The following HNF4G variants were observed in gnomAD, a reference collection of about 807,000 sequenced individuals.
HNF4G encodes hepatocyte nuclear factor 4-gamma.
Under a neutral mutation model 50.9 loss-of-function variants are expected in HNF4G, and 21 were observed. The ratio of observed to expected loss-of-function variants is 0.41; its 90% CI spans 0.29 to 0.59. HNF4G has a LOEUF of 0.59. Ranked by LOEUF, HNF4G falls within the 20% of genes least tolerant of loss-of-function variation. The pLI, the probability that HNF4G is intolerant of heterozygous loss-of-function variation, is 0.26. For missense variants in HNF4G, 527 were observed against 559.4 expected (o/e 0.94, Z 0.58); for synonymous variants, 198 against 185.6 (o/e 1.07, Z -0.54).
At chr8:75,422,747 A>T (rs960616960) in intron 1 of HNF4G, among the ~76,000 whole-genome samples, 2 of 151,400 alleles carry the variant, frequency 1.3e-5, no homozygotes, top group African/African-American at 4.9e-5. Flanking sequence ...CATTCTCCTG[A>T]CTCAGCCTCC....
intron 2 of HNF4G, among the ~76,000 whole-genome samples, chr8:75,490,981 G>A (rs1030866654): frequency 6.6e-6 from 1 of 152,120 alleles, no homozygotes; most frequent in Non-Finnish European, 1.5e-5. Flanking sequence ...TTATTTCAGT[G>A]CCTCTTATAG....
intron 2 of HNF4G, among the ~76,000 whole-genome samples, chr8:75,490,961 A>G (rs1478231426): frequency 2.0e-5 from 3 of 152,162 alleles, no homozygotes; most frequent in Non-Finnish European, 4.4e-5. Flanking sequence ...TTGGTGATTT[A>G]GGTCCAGAGT....
chr8:75,521,877 C>T (rs573816886), intron 2 of HNF4G, among the ~76,000 whole-genome samples: 1 of 152,166 alleles, frequency 6.6e-6, no homozygotes, highest in East Asian at 1.9e-4. Context: ...CCATTCCCCC[C>T]ACACACAGTC....
intron 1 of HNF4G, among the ~76,000 whole-genome samples, chr8:75,540,630 G>A (rs1366877111): frequency 6.6e-6 from 1 of 151,972 alleles, no homozygotes; most frequent in Admixed American, 6.6e-5. Context: ...TCACCTGACA[G>A]GCTAATGTTT....
At chr8:75,439,566 A>C (rs1337860260) in intron 1 of HNF4G, among the ~76,000 whole-genome samples, 4 of 152,002 alleles carry the variant, frequency 2.6e-5, no homozygotes, top group Non-Finnish European at 4.4e-5. Flanking sequence ...TTTTTCTTAG[A>C]AAGAAGTGTA....
chr8:75,497,307 C>T (rs910649165), intron 2 of HNF4G, among the ~76,000 whole-genome samples: 1 of 151,982 alleles, frequency 6.6e-6, no homozygotes, highest in Non-Finnish European at 1.5e-5. Flanking sequence ...ACATAGAGAC[C>T]AGGAGAGGGC....
chr8:75,558,690 CTAGAGAA>C lies in HNF4G; in HGVS notation c.886+22_886+28del. ...ATCCAGGTTGGTTTTCAAAATTCCA[CTAGAGAA>C]TTAATATAATAAAAATTGAACTACT... On this transcript the variant is annotated intron_variant, in intron 7 of 9. Coordinates refer to ENST00000396423, the MANE Select transcript of HNF4G (RefSeq NM_004133.5). 1 of 1,601,506 alleles carries C rather than the reference CTAGAGAA, an allele frequency of 6.2e-7. No individual in the cohort carries two copies. The highest frequency in any genetic ancestry group is 1.3e-5 in the African/African-American group (1 of 74,454).
upstream of HNF4G, among the ~76,000 whole-genome samples, chr8:75,538,023 G>A (rs1489123725): frequency 6.6e-6 from 1 of 152,132 alleles, no homozygotes; most frequent in South Asian, 2.1e-4. Flanking sequence ...CTTTTGCTAG[G>A]CTGAGGCTGA....
intron 1 of HNF4G, among the ~76,000 whole-genome samples, chr8:75,484,604 TC>T (rs1254365418): frequency 6.6e-6 from 1 of 152,192 alleles, no homozygotes; most frequent in Non-Finnish European, 1.5e-5. Flanking sequence ...CTCACAAAAC[TC>T]TAATTTTCCT....
chr8:75,558,053 C>A (rs1807183383), intron 6 of HNF4G, among the ~76,000 whole-genome samples: 2 of 151,996 alleles, frequency 1.3e-5, no homozygotes, highest in African/African-American at 4.8e-5. Context: ...AAAAATCAAC[C>A]TCCTTTACTT....
chr8:75,553,315 A>C, intron 5 of HNF4G, 118 bp downstream of exon 5: 1 of 788,972 alleles, frequency 1.3e-6, no homozygotes, highest in South Asian at 2.1e-5. Context: ...GCAAAAGATA[A>C]ATTAGGAGGA....
intron 9 of HNF4G, among the ~76,000 whole-genome samples, chr8:75,562,228 TG>T (rs1807334518): frequency 6.6e-6 from 1 of 152,116 alleles, no homozygotes. Flanking sequence ...GTAGAAGCCA[TG>T]GGACTGCGTG....
At chr8:75,413,010 C>A (rs1000030992) in intron 1 of HNF4G, among the ~76,000 whole-genome samples, 1 of 151,844 alleles carries the variant, frequency 6.6e-6, no homozygotes, top group Non-Finnish European at 1.5e-5. Context: ...GTGTTAATGA[C>A]TTCTGATGAG....
intron 1 of HNF4G, among the ~76,000 whole-genome samples, chr8:75,462,958 A>G (rs964931782): frequency 6.6e-6 from 1 of 152,098 alleles, no homozygotes; most frequent in Non-Finnish European, 1.5e-5. Context: ...TATTTTCTAA[A>G]TATATTAAAC....
chr8:75,470,846 ATAATGCTGTAGTTTTAGCACTGG>A (rs1240933671), intron 1 of HNF4G, among the ~76,000 whole-genome samples: 1 of 152,238 alleles, frequency 6.6e-6, no homozygotes, highest in Non-Finnish European at 1.5e-5. Flanking sequence ...TATTAGTCAA[ATAATGCTGTAGTTTTAGCACTGG>A]TAAGAGATAC....
intron 1 of HNF4G, among the ~76,000 whole-genome samples, chr8:75,439,669 G>A (rs1445864810): frequency 3.3e-5 from 5 of 151,940 alleles, no homozygotes; most frequent in African/African-American, 1.2e-4. Flanking sequence ...TTTAATAATT[G>A]CAAAGATATT....
intron 1 of HNF4G, among the ~76,000 whole-genome samples, chr8:75,479,300 T>A (rs961540470): frequency 1.3e-5 from 2 of 152,206 alleles, no homozygotes; most frequent in Non-Finnish European, 2.9e-5. Flanking sequence ...GGCCTGCATA[T>A]GGTACCAATC....
chr8:75,507,140 A>G (rs369347823), intron 2 of HNF4G, among the ~76,000 whole-genome samples: 2 of 152,354 alleles, frequency 1.3e-5, no homozygotes, highest in South Asian at 4.1e-4. Context: ...TAAGAACTAT[A>G]AATGGACAGG....
At chr8:75,532,338 G>T (rs1806350074) in intron 2 of HNF4G, among the ~76,000 whole-genome samples, 1 of 151,556 alleles carries the variant, frequency 6.6e-6, no homozygotes, top group Non-Finnish European at 1.5e-5. Context: ...GTAAATACTA[G>T]AACATAAAAA....
Sources: gnomAD v4.1 joint callset for allele counts (sites outside exome capture counted in the v4.1 genomes callset) on GRCh38, gnomAD v4.1.1 for gene constraint, MANE v1.5 for transcripts, NCBI Gene and HGNC (gene_info 2026-07-23, HGNC 2026-07-21) for gene names.